The following AFTPH variants were observed in gnomAD, a reference collection of about 807,000 sequenced individuals.
The protein encoded by AFTPH is aftiphilin.
Under a neutral mutation model 72.5 loss-of-function variants are expected in AFTPH, and 7 were observed. The observed-to-expected ratio is 0.10, with a 90% CI of 0.05 to 0.18. The LOEUF is 0.18. Among genes scored for constraint, AFTPH ranks in the 10% least tolerant of loss-of-function variants. The probability of loss-of-function intolerance (pLI) is 1.00; values close to 1 mark genes in which losing one functional copy is unlikely to be tolerated. For missense variants in AFTPH, 979 were observed against 1,060.5 expected (o/e 0.92, Z 1.07); for synonymous variants, 337 against 370.1 (o/e 0.91, Z 1.03).
intron 1 of AFTPH, among the ~76,000 whole-genome samples, chr2:64,551,215 G>A (rs1671025467): frequency 6.6e-6 from 1 of 151,856 alleles, no homozygotes; most frequent in Non-Finnish European, 1.5e-5. Flanking sequence ...TGTAGTCTAA[G>A]AGAACTTTTT....
intron 1 of AFTPH, among the ~76,000 whole-genome samples, chr2:64,547,255 TCA>T (rs1257469830): frequency 6.6e-6 from 1 of 152,212 alleles, no homozygotes; most frequent in African/African-American, 2.4e-5. Context: ...AAACAGGTTT[TCA>T]GTCTTTCCTT....
chr2:64,544,044 C>T (rs1419779399), intron 1 of AFTPH, among the ~76,000 whole-genome samples: 3 of 152,202 alleles, frequency 2.0e-5, no homozygotes, highest in African/African-American at 2.4e-5. Flanking sequence ...GTTTCCCTGA[C>T]CCCTTTATAT....
chr2:64,524,605 G>A, exon 1 of AFTPH: 1 of 398,586 alleles, frequency 2.5e-6, no homozygotes, highest in South Asian at 1.3e-4. Context: ...CCGCCCCGAA[G>A]GAGCCAGGTA....
chr2:64,581,443 C>G (rs1203809449), intron 7 of AFTPH, among the ~76,000 whole-genome samples, 170 bp downstream of exon 8: 1 of 152,026 alleles, frequency 6.6e-6, no homozygotes, highest in African/African-American at 2.4e-5. Context: ...AAAAAAATGA[C>G]TTATGTATTT....
intron 2 of AFTPH, among the ~76,000 whole-genome samples, chr2:64,567,256 A>G (rs1013760839): frequency 6.6e-6 from 1 of 152,218 alleles, no homozygotes; most frequent in Non-Finnish European, 1.5e-5. Flanking sequence ...CTCACTGTAC[A>G]ATTGGGTAAT....
chr2:64,558,413 C>T (rs1243248659), intron 2 of AFTPH, among the ~76,000 whole-genome samples: 1 of 152,140 alleles, frequency 6.6e-6, no homozygotes, highest in African/African-American at 2.4e-5. Context: ...AGAAACATCA[C>T]TGAACCTCTA....
At chr2:64,564,563 G>A (rs1012496864) in intron 2 of AFTPH, among the ~76,000 whole-genome samples, 3 of 151,708 alleles carry the variant, frequency 2.0e-5, no homozygotes, top group Non-Finnish European at 4.4e-5. Context: ...GCAGTGAGCC[G>A]AGATCGCACC....
rs920408807 is a variant in AFTPH at position 64,561,997 on chromosome 2, T to C, written c.1936-5565T>C. 3.3e-5 allele frequency among the ~76,000 whole-genome samples: 5 copies of C among 152,184 alleles called. No individual in the cohort carries two copies. In the East Asian group the frequency reaches 9.6e-4, roughly 29 times the overall value. ...GAAAAACATGATTTAGTGAAAAGAA[T>C]GTAGGCTTTGGAGTCAGACTTTGGA... is the stretch of plus-strand genomic sequence containing the variant. On this transcript the variant is annotated intron_variant, in intron 2 of 8. Transcript: ENST00000238856.
At chr2:64,561,736 T>C (rs1044544146) in intron 2 of AFTPH, among the ~76,000 whole-genome samples, 1 of 152,232 alleles carries the variant, frequency 6.6e-6, no homozygotes, top group Non-Finnish European at 1.5e-5. Flanking sequence ...TGACGTTTAG[T>C]ATTGTAACAT....
chr2:64,526,495 C>G (rs1208629315), intron 1 of AFTPH, among the ~76,000 whole-genome samples: 1 of 152,094 alleles, frequency 6.6e-6, no homozygotes, highest in Non-Finnish European at 1.5e-5. Flanking sequence ...TGTTTATATT[C>G]TAATTTAATG....
At chr2:64,552,631 A>G in exon 2 of AFTPH, 1 of 1,614,196 alleles carries the variant, frequency 6.2e-7, no homozygotes, top group East Asian at 2.2e-5. Flanking sequence ...CCCAAAGAAG[A>G]AAGTAGAAAG....
chr2:64,544,249 TC>T (rs2103879235), intron 1 of AFTPH, among the ~76,000 whole-genome samples: 1 of 152,342 alleles, frequency 6.6e-6, no homozygotes, highest in South Asian at 2.1e-4. Flanking sequence ...ATTCTCTATC[TC>T]TATGCTCTGA....
chr2:64,551,403 A>C lies in AFTPH; in HGVS notation c.-32-40A>C, dbSNP rs1671039614. On this transcript the variant is annotated intron_variant, in intron 1 of 8. Transcript: ENST00000238856. ...AATTTTGAAAGATCTTGTTCTATGT[A>C]ATCTGTCCCCTCCAAAAATTCTTTT... 6 of 1,457,200 alleles carry C rather than the reference A, an allele frequency of 4.1e-6. No homozygotes were observed. The East Asian group carries it at 1.1e-4, about 28-fold the overall frequency. The allele number at this position is 1,457,200 out of a possible 1,614,324, so 90.3% of individuals were successfully genotyped here.
intron 1 of AFTPH, among the ~76,000 whole-genome samples, chr2:64,548,116 G>A (rs995244926): frequency 7.5e-5 from 11 of 146,896 alleles, no homozygotes; most frequent in East Asian, 2.1e-4. Flanking sequence ...AAAAAGGGCC[G>A]GGCGCGGTGG....
At chr2:64,571,224 T>G (rs986414821) in intron 5 of AFTPH, among the ~76,000 whole-genome samples, 1 of 151,960 alleles carries the variant, frequency 6.6e-6, no homozygotes, top group East Asian at 1.9e-4. Flanking sequence ...TAAGAATCAC[T>G]TGGAAGACTT....
At chr2:64,584,117 C>T (rs750440819) in intron 7 of AFTPH, among the ~76,000 whole-genome samples, 4 of 152,040 alleles carry the variant, frequency 2.6e-5, no homozygotes, top group East Asian at 1.9e-4. Flanking sequence ...TTGCTGTTAA[C>T]GCCCGGCAAC....
intron 6 of AFTPH, among the ~76,000 whole-genome samples, chr2:64,574,975 A>G (rs1004642400): frequency 1.3e-5 from 2 of 152,184 alleles, no homozygotes. Flanking sequence ...TACTTGGTAC[A>G]TTCATACTTG....
exon 2 of AFTPH, chr2:64,551,737 A>T: frequency 1.2e-6 from 2 of 1,613,764 alleles, no homozygotes; most frequent in Non-Finnish European, 1.7e-6. Context: ...AAAAATGGTA[A>T]TGATAAGGAC....
rs770914017 is a variant in AFTPH, at chr2:64,591,927, C to G, written c.2622C>G (p.Ile874Met). The G allele has an allele frequency of 3.1e-6, 5 of 1,613,858 alleles. No homozygotes were observed. The Admixed American group carries it at 8.3e-5, about 27-fold the overall frequency. The stretch of plus-strand genomic sequence containing the variant: ...AAGAGCACCTAAGTGAAGAAGCTAT[C>G]AAGGTGATCGCTGGCCTTCCTGACT... The change falls in exon 9 of 9, where the codon ATC (isoleucine) becomes ATG (methionine). Residue 874 changes from isoleucine to methionine, a missense_variant. By Grantham distance (10) the Ile-to-Met change is conservative. Coordinates refer to ENST00000238856, the Ensembl canonical transcript of AFTPH.
Sources: allele counts gnomAD v4.1 joint callset (sites outside exome capture counted in the v4.1 genomes callset), GRCh38; gene constraint gnomAD v4.1.1; transcripts MANE v1.5; gene names NCBI Gene and HGNC (gene_info 2026-07-23, HGNC 2026-07-21).